Variants in DLG2 observed in about 807,000 individuals in gnomAD.
The protein encoded by DLG2 is disks large homolog 2.
DLG2 carries 45 observed loss-of-function variants against 132.5 expected under a neutral mutation model. The ratio of observed to expected loss-of-function variants is 0.34; its 90% CI spans 0.27 to 0.44. The LOEUF is 0.44. DLG2 is among the 20% of genes least tolerant of loss of function. The probability of loss-of-function intolerance (pLI) is 1.00; values close to 1 mark genes in which losing one functional copy is unlikely to be tolerated. For synonymous variants in DLG2, 424 were observed against 419.6 expected, an observed-to-expected ratio of 1.01 and a Z score of -0.13; for missense variants, 1,045 against 1,196.9, an observed-to-expected ratio of 0.87 and a Z score of 1.87.
rs1417286035 is a variant in DLG2 at position 83,455,811 on chromosome 11, C to G, written c.*4007G>C. On this transcript the variant is annotated 3_prime_UTR_variant, in exon 28 of 28. Coordinates refer to ENST00000376104, the MANE Select transcript of DLG2 (RefSeq NM_001142699.3). ...GAGTCCCCTGGCAAGTCAGCTGTCA[C>G]AGGAGGTACTCCACATGCTTCAAGG... 6.6e-6 allele frequency: 1 copy of G among 152,556 alleles called. No individual in the cohort carries two copies. Among genetic ancestry groups the G allele is most frequent in the Non-Finnish European group, 1.5e-5 (1 of 68,052 alleles). The allele number at this position is 152,556 out of a possible 1,614,324, so 9.5% of individuals were successfully genotyped here.
intron 7 of DLG2, among the ~76,000 whole-genome samples, chr11:84,330,083 A>T (rs2098451832): frequency 1.3e-5 from 2 of 152,134 alleles, no homozygotes; most frequent in African/African-American, 4.8e-5. Flanking sequence ...ATTACCTGGC[A>T]CATAATTATG....
intron 6 of DLG2, among the ~76,000 whole-genome samples, chr11:85,043,708 A>G (rs1428159853): frequency 6.6e-6 from 1 of 151,984 alleles, no homozygotes; most frequent in Non-Finnish European, 1.5e-5. Flanking sequence ...GTTTTTAATG[A>G]AATACTTTAA....
At chr11:83,772,191 T>C (rs1473980878) in intron 18 of DLG2, among the ~76,000 whole-genome samples, 3 of 152,028 alleles carry the variant, frequency 2.0e-5, no homozygotes, top group Non-Finnish European at 2.9e-5. Context: ...GCAGATCGCT[T>C]GAGCTCAGGA....
chr11:83,717,114 T>C (rs2086883797), intron 18 of DLG2, among the ~76,000 whole-genome samples: 1 of 152,186 alleles, frequency 6.6e-6, no homozygotes, highest in South Asian at 2.1e-4. Flanking sequence ...AAATTGGAGC[T>C]CCTGTCTTTT....
intron 11 of DLG2, among the ~76,000 whole-genome samples, chr11:84,003,205 T>C (rs1278905043): frequency 5.9e-5 from 9 of 152,176 alleles, no homozygotes; most frequent in Admixed American, 5.2e-4. Context: ...TCATTGTCCA[T>C]ATCACTATCA....
At chr11:84,849,987 T>C (rs2081986883) in intron 6 of DLG2, among the ~76,000 whole-genome samples, 1 of 152,136 alleles carries the variant, frequency 6.6e-6, no homozygotes, top group South Asian at 2.1e-4. Flanking sequence ...CAGAAAACGA[T>C]TTTCTTTTAC....
chr11:84,106,998 GTGTGTGTGTGT>G (rs1320115857), intron 9 of DLG2, among the ~76,000 whole-genome samples: 1 of 68,674 alleles, frequency 1.5e-5, no homozygotes, highest in African/African-American at 4.4e-5. Flanking sequence ...GTGTGTGTGT[GTGTGTGTGTGT>G]GTGTGAGAGA....
chr11:83,849,521 G>A (rs1168628659), intron 16 of DLG2, among the ~76,000 whole-genome samples: 1 of 151,628 alleles, frequency 6.6e-6, no homozygotes, highest in Non-Finnish European at 1.5e-5. Context: ...ACGAAATGTA[G>A]AATAATAAAA....
At chr11:85,423,631 T>G (rs1461688221) in intron 3 of DLG2, among the ~76,000 whole-genome samples, 1 of 152,056 alleles carries the variant, frequency 6.6e-6, no homozygotes, top group African/African-American at 2.4e-5. Flanking sequence ...GGGGGTGAGC[T>G]TCCCAGGTCA....
intron 3 of DLG2, among the ~76,000 whole-genome samples, chr11:85,290,462 T>C (rs1190398134): frequency 6.6e-6 from 1 of 151,916 alleles, no homozygotes; most frequent in Non-Finnish European, 1.5e-5. Flanking sequence ...ATCTCAGGGA[T>C]AAGAATTTCA....
intron 4 of DLG2, among the ~76,000 whole-genome samples, chr11:85,228,704 C>T (rs1002517312): frequency 6.6e-6 from 1 of 151,480 alleles, no homozygotes; most frequent in African/African-American, 2.4e-5. Flanking sequence ...TTTATGGCTA[C>T]CCTATTGGCT....
chr11:85,434,998 G>T (rs984199046), intron 3 of DLG2, among the ~76,000 whole-genome samples: 1 of 152,162 alleles, frequency 6.6e-6, no homozygotes, highest in Non-Finnish European at 1.5e-5. Context: ...TCATCCCTGG[G>T]ATGCAAGGCT....
At chr11:84,679,834 C>T (rs1475456591) in intron 6 of DLG2, among the ~76,000 whole-genome samples, 2 of 151,938 alleles carry the variant, frequency 1.3e-5, no homozygotes, top group Non-Finnish European at 2.9e-5. Context: ...ATCCAGACCC[C>T]AGACTCTTAT....
chr11:85,141,506 A>G (rs1472690250), intron 5 of DLG2, among the ~76,000 whole-genome samples: 6 of 151,420 alleles, frequency 4.0e-5, no homozygotes, highest in African/African-American at 9.7e-5. Flanking sequence ...CCATTGTATA[A>G]TTTGTCTCAT....
intron 6 of DLG2, among the ~76,000 whole-genome samples, chr11:84,653,194 G>A (rs1488278699): frequency 2.0e-5 from 3 of 151,958 alleles, no homozygotes; most frequent in Admixed American, 6.6e-5. Flanking sequence ...CCTCCCAAAG[G>A]GCTGGAATTA....
At chr11:84,409,185 T>C (rs752789253) in intron 7 of DLG2, among the ~76,000 whole-genome samples, 20 of 152,184 alleles carry the variant, frequency 1.3e-4, no homozygotes, top group Admixed American at 2.6e-4. Context: ...TGCTTCTCTA[T>C]TCTGCTCTGC....
At chr11:83,550,704 C>A (rs1422593357) in intron 19 of DLG2, among the ~76,000 whole-genome samples, 1 of 152,184 alleles carries the variant, frequency 6.6e-6, no homozygotes, top group Non-Finnish European at 1.5e-5. Context: ...AAGAGGAAGA[C>A]TGCTTGGATG....
chr11:84,050,230 G>A (rs1470400325), intron 11 of DLG2, among the ~76,000 whole-genome samples: 1 of 150,380 alleles, frequency 6.6e-6, no homozygotes, highest in Non-Finnish European at 1.5e-5. Flanking sequence ...GAAGATATGT[G>A]TTGGTATGGA....
intron 3 of DLG2, among the ~76,000 whole-genome samples, chr11:85,380,418 G>A (rs1034342190): frequency 2.0e-4 from 31 of 152,308 alleles, no homozygotes; most frequent in Non-Finnish European, 3.5e-4. Context: ...CAGCACTTTG[G>A]GAGGCCAAGG....
Sources: gnomAD v4.1 joint callset for allele counts (sites outside exome capture counted in the v4.1 genomes callset) on GRCh38, gnomAD v4.1.1 for gene constraint, MANE v1.5 for transcripts, NCBI Gene and HGNC (gene_info 2026-07-23, HGNC 2026-07-21) for gene names.